The following VPS35 variants were observed in gnomAD, a reference collection of about 807,000 sequenced individuals.
VPS35 encodes VPS35 retromer complex component.
In VPS35, 21 loss-of-function variants were observed where a neutral mutation model predicts 98.1. That is an observed-to-expected ratio of 0.21 (90% CI 0.15 to 0.31). VPS35 has a LOEUF of 0.31. Ranked by LOEUF, VPS35 falls within the 10% of genes least tolerant of loss-of-function variation. The pLI, the probability that VPS35 is intolerant of heterozygous loss-of-function variation, is 1.00. For synonymous variants in VPS35, 268 were observed against 318.2 expected, an observed-to-expected ratio of 0.84 and a Z score of 1.68; for missense variants, 554 against 950.8, an observed-to-expected ratio of 0.58 and a Z score of 5.49.
At chr16:46,666,882 G>A (rs1222473860) in intron 13 of VPS35, among the ~76,000 whole-genome samples, 1 of 152,126 alleles carries the variant, frequency 6.6e-6, no homozygotes, top group Non-Finnish European at 1.5e-5. Context: ...TGGACACTAA[G>A]GTTGTTTCCA....
intron 12 of VPS35, among the ~76,000 whole-genome samples, chr16:46,671,083 G>A (rs1966061486): frequency 6.6e-6 from 1 of 150,502 alleles, no homozygotes. Context: ...GATTCCCTGT[G>A]GACTAATAAT....
chr16:46,664,284 G>C (rs959598242), intron 13 of VPS35, among the ~76,000 whole-genome samples: 2 of 152,004 alleles, frequency 1.3e-5, no homozygotes, highest in South Asian at 2.1e-4. Context: ...TCAGCCTCCT[G>C]AGTAGCTGGG....
intron 1 of VPS35, 44 bp from the exon 2 acceptor site, chr16:46,683,650 T>A (rs778501592): frequency 1.3e-6 from 2 of 1,500,306 alleles, no homozygotes; most frequent in African/African-American, 2.7e-5. Context: ...CACATTCTTC[T>A]AGCAAGTACG....
intron 16 of VPS35, chr16:46,660,937 G>C: frequency 9.3e-6 from 4 of 430,406 alleles, no homozygotes; most frequent in South Asian, 7.2e-5. Flanking sequence ...CTTGAAGTCA[G>C]GAGTTTTGAG....
At position 46,689,147 on chromosome 16, in the gene VPS35, A is replaced by G; in HGVS notation, c.-14T>C. On this transcript the variant is annotated 5_prime_UTR_variant, in exon 1 of 17. Transcript: ENST00000299138. Reference sequence around the variant, plus strand: ...AGCACTCACCATGGCGACTCCCCAGAGCCTGCAGCAAGCAGCACCCGCCCC... The same window carrying G: ...AGCACTCACCATGGCGACTCCCCAGGGCCTGCAGCAAGCAGCACCCGCCCC... 1 of 1,608,728 alleles carries G rather than the reference A, an allele frequency of 6.2e-7. No individual in the cohort carries two copies. The highest frequency in any genetic ancestry group is 8.5e-7 in the Non-Finnish European group (1 of 1,178,460).
At chr16:46,664,164 A>G (rs1008310878) in intron 13 of VPS35, among the ~76,000 whole-genome samples, 3 of 151,724 alleles carry the variant, frequency 2.0e-5, no homozygotes, top group Admixed American at 2.0e-4. Flanking sequence ...CTTTTTTTCT[A>G]TGTAACTGTA....
chr16:46,681,506 A>C lies in VPS35; in HGVS notation c.200-6T>G, dbSNP rs1966235236. On this transcript the variant is annotated splice_polypyrimidine_tract_variant and splice_region_variant and intron_variant, in intron 3 of 16. Coordinates refer to ENST00000299138, the MANE Select transcript of VPS35 (RefSeq NM_018206.6). ...TTCATCAGAAATGGCCATATCTTTT[A>C]ATTATGATTAAGGACTAAAAATAAA... 2 of 1,611,872 alleles carry C rather than the reference A, an allele frequency of 1.2e-6. No homozygotes were observed. Among genetic ancestry groups the C allele is most frequent in the Non-Finnish European group, 1.7e-6 (2 of 1,179,360 alleles).
chr16:46,660,434 G>C lies in VPS35; in HGVS notation c.*38C>G, dbSNP rs1156800231. 23 of 1,609,124 alleles carry C rather than the reference G, an allele frequency of 1.4e-5. No homozygotes were observed. The highest frequency in any genetic ancestry group is 2.0e-5 in the Non-Finnish European group (23 of 1,178,588). On this transcript the variant is annotated 3_prime_UTR_variant, in exon 17 of 17. Coordinates refer to ENST00000299138, the MANE Select transcript of VPS35 (RefSeq NM_018206.6). ...ACCTAGCGTAATAAAACCCTCACTGGATGTACATGGAAAGGAGTATGGTGA... is the reference window on the plus strand; with the variant it reads ...ACCTAGCGTAATAAAACCCTCACTGCATGTACATGGAAAGGAGTATGGTGA...
rs543137596 is a variant in VPS35 at position 46,664,149 on chromosome 16, CCTTT to C, written c.1648-991_1648-988del. Among the ~76,000 whole-genome samples the C allele has an allele frequency of 3.7e-4, 56 of 152,122 alleles. 1 individual carries two copies. The highest frequency in any genetic ancestry group is 1.7e-3 in the Admixed American group (26 of 15,284). ...GTAACATTCGGATGCTAAATGTCTT[CCTTT>C]CTTTTTTTCTATGTAACTGTAATAT... is the stretch of plus-strand genomic sequence containing the variant. On this transcript the variant is annotated intron_variant, in intron 13 of 16. Transcript: ENST00000299138.
At chr16:46,665,812 A>G (rs1411234244) in intron 13 of VPS35, among the ~76,000 whole-genome samples, 1 of 152,134 alleles carries the variant, frequency 6.6e-6, no homozygotes, top group Non-Finnish European at 1.5e-5. Context: ...TTTTTTAGTG[A>G]CTGGGTCTCC....
Position 46,661,736 on chromosome 16 carries a change from A to G in VPS35, c.2193T>C (p.Tyr731=). 1.2e-6 allele frequency: 2 copies of G among 1,611,216 alleles called. No homozygotes were observed. The highest frequency in any genetic ancestry group is 1.7e-6 in the Non-Finnish European group (2 of 1,177,398). Residue 731 remains tyrosine (Y), a synonymous_variant, in exon 16 of 17, where the codon TAT becomes TAC. Coordinates refer to ENST00000299138, the MANE Select transcript of VPS35 (RefSeq NM_018206.6). The surrounding 1 kb of genome is among the most constrained non-coding windows in gnomAD (Gnocchi z 4.3). ...IEILNRYIYF[Y]EKENDAVTIQ... is the part of the protein sequence containing the mutation. ...CACTTACCGCATCATTTTCCTTTTC[A>G]TAAAAATAGATATATCTGTTCAGAA...
chr16:46,683,120 C>T (rs751474780), intron 2 of VPS35: 24 of 188,096 alleles, frequency 1.3e-4, no homozygotes, highest in Non-Finnish European at 2.1e-4. Flanking sequence ...TAAATCCATT[C>T]ATTCAACAAA....
chr16:46,677,498 T>G, intron 6 of VPS35, 100 bp from the exon 7 acceptor site: 1 of 1,013,870 alleles, frequency 9.9e-7, no homozygotes, highest in Non-Finnish European at 1.5e-6. Flanking sequence ...AAAATCGTAT[T>G]TGAGATTTTT....
In VPS35 at chr16:46,688,474, G is replaced by A. The variant is rs989482822; in HGVS notation, c.3+657C>T. On this transcript the variant is annotated intron_variant, in intron 1 of 16. Coordinates refer to ENST00000299138, the MANE Select transcript of VPS35 (RefSeq NM_018206.6). Reference sequence around the variant, plus strand: ...ATTTTATCAATGGCGAGACAAAAGAGGCAAGGTGCGCCCAATGCACAAATG... The same window carrying A: ...ATTTTATCAATGGCGAGACAAAAGAAGCAAGGTGCGCCCAATGCACAAATG... 2.1e-5 allele frequency: 21 copies of A among 987,178 alleles called. No individual in the cohort carries two copies. The African/African-American group carries it at 3.7e-4, about 17-fold the overall frequency. The allele number at this position is 987,178 out of a possible 1,614,324, so 61.2% of individuals were successfully genotyped here.
At chr16:46,677,293 A>G (rs1349068798) in intron 7 of VPS35, 22 bp downstream of exon 7, 1 of 1,607,232 alleles carries the variant, frequency 6.2e-7, no homozygotes, top group African/African-American at 1.3e-5. Flanking sequence ...CGTTTAAAAA[A>G]AAATGAAATG....
At chr16:46,675,134 T>C (rs1169390927) in intron 8 of VPS35, among the ~76,000 whole-genome samples, 1 of 136,912 alleles carries the variant, frequency 7.3e-6, no homozygotes, top group Non-Finnish European at 1.6e-5. Flanking sequence ...AATGAAACCT[T>C]TTTCATCAGC....
In VPS35 at chr16:46,676,710, A is replaced by T; in HGVS notation, c.805-18T>A. On this transcript the variant is annotated intron_variant, in intron 7 of 16. Transcript: ENST00000299138. ...GGGAAAACCTGAAAATCAAATGATC[A>T]ATACAAATAAAAGTATTTCACGTAA... 2 of 1,528,528 alleles carry T rather than the reference A, an allele frequency of 1.3e-6. No homozygotes were observed. Among genetic ancestry groups the T allele is most frequent in the Non-Finnish European group, 1.8e-6 (2 of 1,102,338 alleles). 94.7% of individuals were successfully genotyped at this position (1,528,528 alleles called of 1,614,324 possible).
At chr16:46,668,735 T>C (rs757689370) in intron 13 of VPS35, among the ~76,000 whole-genome samples, 195 bp downstream of exon 13, 1 of 152,210 alleles carries the variant, frequency 6.6e-6, no homozygotes, top group African/African-American at 2.4e-5. Flanking sequence ...CCTCAGTATG[T>C]GATCCACCAC....
rs572359965 is a variant in VPS35 at position 46,688,940 on chromosome 16, C to T, written c.3+191G>A. Reference sequence around the variant, plus strand: ...ACGGCCGCAGCCAAGAGCCGCCGCCCACCCCGGCCCGGATCAGCCTGCCCG... The same window carrying T: ...ACGGCCGCAGCCAAGAGCCGCCGCCTACCCCGGCCCGGATCAGCCTGCCCG... On this transcript the variant is annotated intron_variant, in intron 1 of 16. Coordinates refer to ENST00000299138, the MANE Select transcript of VPS35 (RefSeq NM_018206.6). 4 of 1,477,062 alleles carry T rather than the reference C, an allele frequency of 2.7e-6. No individual in the cohort carries two copies. In the African/African-American group the frequency reaches 5.6e-5, roughly 21 times the overall value. 91.5% of individuals were successfully genotyped at this position (1,477,062 alleles called of 1,614,324 possible). A position where few individuals can be genotyped will look rare whatever the true frequency, so the allele number is the denominator to read the frequency against.
Sources: gnomAD v4.1 joint callset for allele counts (sites outside exome capture counted in the v4.1 genomes callset) on GRCh38, gnomAD v4.1.1 for gene constraint, Gnocchi (gnomAD v3.1) non-coding constraint, MANE v1.5 for transcripts, NCBI Gene and HGNC (gene_info 2026-07-23, HGNC 2026-07-21) for gene names.